DCDC2C: variants seen among roughly 807,000 people sequenced by gnomAD.
DCDC2C encodes the protein doublecortin domain containing 2C.
In DCDC2C, 44 loss-of-function variants were observed where a neutral mutation model predicts 45.0. The observed-to-expected ratio is 0.98, with a 90% CI of 0.77 to 1.26. DCDC2C has a LOEUF of 1.26. DCDC2C is among the 50% of genes most tolerant of loss of function. The probability of loss-of-function intolerance (pLI) is 0.00; values close to 1 mark genes in which losing one functional copy is unlikely to be tolerated. For missense variants in DCDC2C, 447 were observed against 468.9 expected, an observed-to-expected ratio of 0.95 and a Z score of 0.43; for synonymous variants, 187 against 178.8, an observed-to-expected ratio of 1.05 and a Z score of -0.37.
intron 8 of DCDC2C, among the ~76,000 whole-genome samples, chr2:3,777,111 C>T (rs1483967909): frequency 2.6e-5 from 4 of 152,240 alleles, no homozygotes; most frequent in Non-Finnish European, 5.9e-5. Context: ...CTCTGAAGCT[C>T]AGCGCTTCTT....
At chr2:3,798,355 A>G (rs1027985690) in intron 10 of DCDC2C, among the ~76,000 whole-genome samples, 8 of 151,360 alleles carry the variant, frequency 5.3e-5, no homozygotes, top group Non-Finnish European at 1.0e-4. Context: ...TAATTGGAGC[A>G]TTTAGTCCAT....
At chr2:3,740,660 A>G (rs1669176077) in intron 3 of DCDC2C, among the ~76,000 whole-genome samples, 1 of 152,212 alleles carries the variant, frequency 6.6e-6, no homozygotes, top group African/African-American at 2.4e-5. Context: ...ATAAATTCTG[A>G]TATAACTTGC....
intron 8 of DCDC2C, among the ~76,000 whole-genome samples, chr2:3,776,327 AG>A (rs1482991519): frequency 1.3e-5 from 2 of 152,106 alleles, no homozygotes; most frequent in Non-Finnish European, 2.9e-5. Context: ...GCTGGTCTGC[AG>A]GGAGTGGTGT....
chr2:3,780,627 G>A (rs908649165), intron 9 of DCDC2C, among the ~76,000 whole-genome samples: 8 of 152,094 alleles, frequency 5.3e-5, no homozygotes, highest in Admixed American at 3.9e-4. Context: ...CATTAATGAC[G>A]GGAGACAGGA....
At position 3,726,904 on chromosome 2, in the gene DCDC2C, C is replaced by A. The variant is rs13394251; in HGVS notation, c.340-99C>A. ...GTTCTATTGACAAAGGGGTTCCCCC[C>A]CTTTCTTATGTTTTAGGGCAGTGCT... On this transcript the variant is annotated intron_variant, in intron 2 of 10. Coordinates refer to ENST00000399143, the MANE Select transcript of DCDC2C (RefSeq NM_001287444.2). 11 of 1,087,784 alleles carry A rather than the reference C, an allele frequency of 1.0e-5. No individual in the cohort carries two copies. The Admixed American group carries it at 1.3e-4, about 13-fold the overall frequency. The allele number at this position is 1,087,784 out of a possible 1,614,324, so 67.4% of individuals were successfully genotyped here.
intron 4 of DCDC2C, among the ~76,000 whole-genome samples, chr2:3,746,592 C>T (rs1669369089): frequency 6.6e-6 from 1 of 152,198 alleles, no homozygotes; most frequent in Non-Finnish European, 1.5e-5. Context: ...TTCAATTTCC[C>T]ACTGTCCGTT....
At chr2:3,736,323 C>A (rs928143741) in intron 3 of DCDC2C, among the ~76,000 whole-genome samples, 6 of 152,106 alleles carry the variant, frequency 3.9e-5, no homozygotes, top group Non-Finnish European at 5.9e-5. Flanking sequence ...GAGAAAGAGG[C>A]AAGTCGTGAG....
At chr2:3,785,319 G>A (rs1670620499) in intron 10 of DCDC2C, among the ~76,000 whole-genome samples, 1 of 152,178 alleles carries the variant, frequency 6.6e-6, no homozygotes, top group Admixed American at 6.5e-5. Context: ...TGGATCCTCA[G>A]GAAAGGCAAA....
rs970178539 is a variant in DCDC2C, at chr2:3,824,441, G to T, written c.1066-22713G>T. Among the ~76,000 whole-genome samples the T allele has an allele frequency of 2.0e-5, 3 of 152,180 alleles. No homozygotes were observed. In the East Asian group the frequency reaches 5.8e-4, roughly 29 times the overall value. On this transcript the variant is annotated intron_variant, in intron 10 of 10. Transcript: ENST00000399143. ...CATTACGTATGAAAACAGATGGTGG[G>T]CTGGATTTGATACACAGGCTGTAGA...
intron 10 of DCDC2C, among the ~76,000 whole-genome samples, chr2:3,802,236 A>G (rs7559214): frequency 0.021 from 3,162 of 152,328 alleles, 99 homozygotes; most frequent in African/African-American, 0.072. Context: ...CTGTAAGTAA[A>G]TAAAAGCTGT....
chr2:3,832,126 T>G (rs1046976507), intron 10 of DCDC2C, among the ~76,000 whole-genome samples: 10 of 152,236 alleles, frequency 6.6e-5, no homozygotes, highest in African/African-American at 2.4e-4. Context: ...GGTTACTGTA[T>G]GTCAAACAAT....
intron 8 of DCDC2C, among the ~76,000 whole-genome samples, chr2:3,778,479 G>A (rs753015662): frequency 7.9e-5 from 12 of 152,336 alleles, no homozygotes; most frequent in Non-Finnish European, 1.5e-4. Flanking sequence ...TGTGGAGGGC[G>A]TCTGCTGACC....
chr2:3,752,633 G>T (rs774075585), intron 4 of DCDC2C, 130 bp from the exon 5 acceptor site: 4 of 1,111,026 alleles, frequency 3.6e-6, no homozygotes, highest in Non-Finnish European at 4.0e-6. Context: ...TGGATAACAC[G>T]TGCTTACGAT....
Position 3,731,876 on chromosome 2 carries a change from C to A in DCDC2C, c.416+4797C>A, listed in dbSNP as rs1668879098. 2.6e-5 allele frequency among the ~76,000 whole-genome samples: 4 copies of A among 152,162 alleles called. No homozygotes were observed. In the South Asian group the frequency reaches 6.2e-4, roughly 24 times the overall value. Reference sequence around the variant, plus strand: ...TTGAAGTTACAGTTTGGTGCCACTTCAGAAGGGGACTGCTCTGGTTGTGTG... The same window carrying A: ...TTGAAGTTACAGTTTGGTGCCACTTAAGAAGGGGACTGCTCTGGTTGTGTG... On this transcript the variant is annotated intron_variant, in intron 3 of 10. Coordinates refer to ENST00000399143, the MANE Select transcript of DCDC2C (RefSeq NM_001287444.2).
chr2:3,719,434 G>T (rs1668434490), intron 2 of DCDC2C, among the ~76,000 whole-genome samples: 1 of 152,166 alleles, frequency 6.6e-6, no homozygotes, highest in South Asian at 2.1e-4. Context: ...CCAAGCCTCT[G>T]GCTGTCCACA....
At chr2:3,721,446 G>A (rs555620390) in intron 2 of DCDC2C, among the ~76,000 whole-genome samples, 4 of 152,192 alleles carry the variant, frequency 2.6e-5, no homozygotes, top group East Asian at 1.9e-4. Context: ...CTAGATTCTC[G>A]CAGGCTTTTA....
intron 3 of DCDC2C, among the ~76,000 whole-genome samples, chr2:3,730,989 C>T (rs1351703178): frequency 6.6e-6 from 1 of 152,206 alleles, no homozygotes; most frequent in Non-Finnish European, 1.5e-5. Context: ...CGTGCACGAA[C>T]ACCTCCCTGG....
At chr2:3,743,257 T>C (rs1000738607) in intron 4 of DCDC2C, among the ~76,000 whole-genome samples, 1 of 152,202 alleles carries the variant, frequency 6.6e-6, no homozygotes, top group African/African-American at 2.4e-5. Context: ...ATATATAATA[T>C]GCAAGTATTA....
At chr2:3,845,743 C>T (rs756280504) in intron 10 of DCDC2C, among the ~76,000 whole-genome samples, 24 of 152,306 alleles carry the variant, frequency 1.6e-4, no homozygotes, top group Non-Finnish European at 3.2e-4. Context: ...TAATTACTTT[C>T]GTTGGTGACT....
Sources: allele counts gnomAD v4.1 joint callset (sites outside exome capture counted in the v4.1 genomes callset), GRCh38; gene constraint gnomAD v4.1.1; transcripts MANE v1.5; gene names NCBI Gene and HGNC (gene_info 2026-07-23, HGNC 2026-07-21).